The following FAF1 variants were observed in gnomAD, a reference collection of about 807,000 sequenced individuals.
FAF1 encodes the protein FAS-associated factor 1.
In FAF1, 25 loss-of-function variants were observed where a neutral mutation model predicts 92.5. That is an observed-to-expected ratio of 0.27 (90% CI 0.20 to 0.38). FAF1 has a LOEUF of 0.38. Among genes scored for constraint, FAF1 ranks in the 10% least tolerant of loss-of-function variants. FAF1 has a pLI of 1.00. For missense variants in FAF1, 636 were observed against 793.3 expected, an observed-to-expected ratio of 0.80 and a Z score of 2.38; for synonymous variants, 234 against 273.2, an observed-to-expected ratio of 0.86 and a Z score of 1.42.
At chr1:50,914,285 TGGTTTA>T (rs961608477) in intron 1 of FAF1, among the ~76,000 whole-genome samples, 3 of 152,212 alleles carry the variant, frequency 2.0e-5, no homozygotes, top group African/African-American at 7.2e-5. Flanking sequence ...AGAGGAAATT[TGGTTTA>T]TGATACCAAA....
At chr1:50,475,027 G>A (rs1414588894) in intron 18 of FAF1, among the ~76,000 whole-genome samples, 1 of 152,186 alleles carries the variant, frequency 6.6e-6, no homozygotes, top group East Asian at 1.9e-4. Flanking sequence ...AGGGTAGTAA[G>A]ACTATCAAAT....
chr1:50,464,971 C>T (rs1646476476), intron 18 of FAF1, among the ~76,000 whole-genome samples: 1 of 152,224 alleles, frequency 6.6e-6, no homozygotes, highest in Non-Finnish European at 1.5e-5. Flanking sequence ...ATCCAATCAT[C>T]TCTCCAATCT....
At chr1:50,449,997 C>G (rs1053987440) in intron 18 of FAF1, among the ~76,000 whole-genome samples, 5 of 151,498 alleles carry the variant, frequency 3.3e-5, no homozygotes, top group African/African-American at 1.2e-4. Context: ...GAGTTCGAGA[C>G]CAGCCTGGCC....
At chr1:50,646,785 C>T (rs1260829065) in intron 8 of FAF1, among the ~76,000 whole-genome samples, 2 of 152,178 alleles carry the variant, frequency 1.3e-5, no homozygotes, top group African/African-American at 4.8e-5. Context: ...TAAGGGCCAG[C>T]ACAGTTACTG....
In FAF1 at chr1:50,680,055, T is replaced by C. The variant is rs971729190; in HGVS notation, c.658-24527A>G. 3.3e-5 allele frequency among the ~76,000 whole-genome samples: 5 copies of C among 152,212 alleles called. No individual in the cohort carries two copies. The South Asian group carries it at 8.3e-4, about 25-fold the overall frequency. The stretch of plus-strand genomic sequence containing the variant: ...GTAAATGCTTAAGAAATTACTTTTG[T>C]TTCATGTTGAATTAATTATAATTCA... On this transcript the variant is annotated intron_variant, in intron 7 of 18. Transcript: ENST00000396153.
chr1:50,828,017 G>T (rs185546712), intron 2 of FAF1, among the ~76,000 whole-genome samples: 1 of 152,192 alleles, frequency 6.6e-6, no homozygotes, highest in Admixed American at 6.5e-5. Flanking sequence ...GTAAATATAT[G>T]TGAAGATACA....
At chr1:50,576,644 GC>G (rs1320611940) in intron 12 of FAF1, among the ~76,000 whole-genome samples, 1 of 53,994 alleles carries the variant, frequency 1.9e-5, no homozygotes. Context: ...CCCCCCCCCC[GC>G]CACCACCCCT....
chr1:50,929,058 C>G (rs1332165789), intron 1 of FAF1, among the ~76,000 whole-genome samples: 3 of 99,954 alleles, frequency 3.0e-5, no homozygotes, highest in African/African-American at 1.2e-4. Flanking sequence ...GGTGACATAG[C>G]AAGACACTGT....
intron 9 of FAF1, among the ~76,000 whole-genome samples, chr1:50,595,106 G>A (rs1009207110): frequency 6.6e-6 from 1 of 151,606 alleles, no homozygotes; most frequent in Non-Finnish European, 1.5e-5. Flanking sequence ...CCAGGCTGGA[G>A]TGCAATGGCA....
At chr1:50,604,529 A>G (rs974126455) in intron 8 of FAF1, among the ~76,000 whole-genome samples, 1 of 151,806 alleles carries the variant, frequency 6.6e-6, no homozygotes, top group African/African-American at 2.4e-5. Context: ...TTGTTTTTTG[A>G]GACAGTCTTG....
intron 17 of FAF1, among the ~76,000 whole-genome samples, chr1:50,478,464 C>CA (rs1646664512): frequency 6.6e-6 from 1 of 152,064 alleles, no homozygotes; most frequent in Non-Finnish European, 1.5e-5. Context: ...CGCCTGGCCA[C>CA]AATGGTGGTT....
intron 1 of FAF1, among the ~76,000 whole-genome samples, chr1:50,921,610 C>A (rs1418288613): frequency 1.3e-5 from 2 of 151,302 alleles, no homozygotes; most frequent in East Asian, 3.9e-4. Flanking sequence ...AAAAATACAA[C>A]AGTTAGGAAT....
intron 5 of FAF1, among the ~76,000 whole-genome samples, chr1:50,739,797 G>A (rs1222848339): frequency 6.6e-6 from 1 of 152,020 alleles, no homozygotes; most frequent in Non-Finnish European, 1.5e-5. Flanking sequence ...TTTTGTTAAA[G>A]CTCTCACTCT....
chr1:50,483,005 G>A (rs1368863246), intron 17 of FAF1, among the ~76,000 whole-genome samples: 4 of 151,992 alleles, frequency 2.6e-5, no homozygotes, highest in Non-Finnish European at 4.4e-5. Context: ...TTACATATTT[G>A]TTATTTTATA....
At chr1:50,687,890 C>T (rs953011877) in intron 7 of FAF1, among the ~76,000 whole-genome samples, 4 of 152,216 alleles carry the variant, frequency 2.6e-5, no homozygotes, top group African/African-American at 9.6e-5. Context: ...AATCCCAGCA[C>T]TTTGTGAGGC....
At chr1:50,622,627 G>A (rs1653269317) in intron 8 of FAF1, among the ~76,000 whole-genome samples, 1 of 152,144 alleles carries the variant, frequency 6.6e-6, no homozygotes, top group South Asian at 2.1e-4. Flanking sequence ...TTCATTTGCT[G>A]AAGGACATGT....
intron 12 of FAF1, among the ~76,000 whole-genome samples, chr1:50,570,647 T>A (rs1461010014): frequency 1.3e-5 from 2 of 152,178 alleles, no homozygotes; most frequent in Non-Finnish European, 2.9e-5. Flanking sequence ...AAAGGAAAAC[T>A]AATAATTTTA....
intron 1 of FAF1, among the ~76,000 whole-genome samples, chr1:50,908,415 C>T (rs1644857030): frequency 6.6e-6 from 1 of 152,118 alleles, no homozygotes; most frequent in Admixed American, 6.5e-5. Context: ...GAGTTCAATT[C>T]CTGGATATTC....
chr1:50,637,709 G>T (rs1489646751), intron 8 of FAF1, among the ~76,000 whole-genome samples: 1 of 151,076 alleles, frequency 6.6e-6, no homozygotes, highest in Non-Finnish European at 1.5e-5. Context: ...GTGTGTGTGT[G>T]TGTGCGTGTG....
Sources: allele counts gnomAD v4.1 joint callset (sites outside exome capture counted in the v4.1 genomes callset), GRCh38; gene constraint gnomAD v4.1.1; transcripts MANE v1.5; gene names NCBI Gene and HGNC (gene_info 2026-07-23, HGNC 2026-07-21).